Variants in NPHP1 observed in about 807,000 individuals in gnomAD.
NPHP1 encodes nephrocystin 1, also known as nephrocystin-1.
Under a neutral mutation model 90.4 loss-of-function variants are expected in NPHP1, and 70 were observed. The observed-to-expected ratio is 0.77, with a 90% CI of 0.64 to 0.95. NPHP1 has a LOEUF of 0.95. Ranked by LOEUF, NPHP1 falls within the 40% of genes least tolerant of loss-of-function variation. The probability of loss-of-function intolerance (pLI) is 0.00; values close to 1 mark genes in which losing one functional copy is unlikely to be tolerated. For missense variants in NPHP1, 764 were observed against 795.9 expected, an observed-to-expected ratio of 0.96 and a Z score of 0.48; for synonymous variants, 256 against 271.7, an observed-to-expected ratio of 0.94 and a Z score of 0.57.
chr2:110,166,564 A>C (rs1369360005), intron 6 of NPHP1, among the ~76,000 whole-genome samples: 1 of 152,186 alleles, frequency 6.6e-6, no homozygotes, highest in Non-Finnish European at 1.5e-5. Context: ...TAAAAGATCC[A>C]GCAGCTGACT....
intron 18 of NPHP1, 44 bp from the exon 19 acceptor site, chr2:110,125,725 A>G: frequency 6.6e-7 from 1 of 1,510,490 alleles, no homozygotes; most frequent in Non-Finnish European, 9.2e-7. Flanking sequence ...AGTAGTAACA[A>G]GTCCTTGCAA....
intron 11 of NPHP1, among the ~76,000 whole-genome samples, 157 bp from the exon 12 acceptor site, chr2:110,150,413 TTTTTA>T (rs1681378059): frequency 6.6e-6 from 1 of 152,208 alleles, no homozygotes. Flanking sequence ...AATGTTTTTC[TTTTTA>T]TATCAGGTAT....
At chr2:110,192,291 C>T (rs1301466500) in intron 2 of NPHP1, among the ~76,000 whole-genome samples, 3 of 152,072 alleles carry the variant, frequency 2.0e-5, no homozygotes, top group African/African-American at 7.2e-5. Flanking sequence ...ACTAGAATAA[C>T]CAATGCAGAG....
intron 11 of NPHP1, among the ~76,000 whole-genome samples, chr2:110,150,759 A>G (rs939983962): frequency 2.0e-5 from 3 of 148,740 alleles, no homozygotes; most frequent in African/African-American, 7.4e-5. Context: ...CATGTTGGCC[A>G]GGCTGGTCTC....
At chr2:110,190,536 A>G (rs1684640158) in intron 2 of NPHP1, among the ~76,000 whole-genome samples, 1 of 152,118 alleles carries the variant, frequency 6.6e-6, no homozygotes, top group South Asian at 2.1e-4. Flanking sequence ...GCTGGCCCAC[A>G]AGCACCGTGT....
intron 11 of NPHP1, among the ~76,000 whole-genome samples, chr2:110,154,679 C>T (rs1255858873): frequency 6.6e-6 from 1 of 152,040 alleles, no homozygotes; most frequent in Non-Finnish European, 1.5e-5. Flanking sequence ...TGGCATTTTG[C>T]CCCTGCCCTA....
In NPHP1 at chr2:110,169,936, C is replaced by A. The variant is rs1306370269; in HGVS notation, c.392G>T (p.Gly131Val). 6.2e-7 allele frequency: 1 copy of A among 1,604,136 alleles called. No individual in the cohort carries two copies. The change falls in exon 5 of 20, where the codon GGG (glycine) becomes GTG (valine). Residue 131 changes from glycine to valine, a missense_variant. By Grantham distance (109) the Gly-to-Val change is moderately radical. Coordinates refer to ENST00000445609, the MANE Select transcript of NPHP1 (RefSeq NM_001128178.3). Reference protein sequence around the residue: ...SESEDSEDSGGEEEDAEEEEE... With the variant: ...SESEDSEDSGVEEEDAEEEEE... ...TTCCTCCTCTGCATCTTCTTCCTCC[C>A]CACCACTGTCTTCACTATCTTCACT...
At chr2:110,176,420 A>G (rs1399497667) in intron 4 of NPHP1, among the ~76,000 whole-genome samples, 1 of 152,044 alleles carries the variant, frequency 6.6e-6, no homozygotes, top group Non-Finnish European at 1.5e-5. Flanking sequence ...CTAACTCTAT[A>G]TCTGGATCAT....
At chr2:110,185,944 G>A (rs564232135) in intron 2 of NPHP1, among the ~76,000 whole-genome samples, 53 of 152,250 alleles carry the variant, frequency 3.5e-4, no homozygotes, top group Admixed American at 7.2e-4. Context: ...CTTTCCATCC[G>A]TTCTTGTTGC....
chr2:110,129,253 A>G lies in NPHP1; in HGVS notation c.1649T>C (p.Ile550Thr), dbSNP rs143231282. 9.0e-5 allele frequency: 145 copies of G among 1,612,502 alleles called. No individual in the cohort carries two copies. The highest frequency in any genetic ancestry group is 1.2e-4 in the Non-Finnish European group (136 of 1,178,732). ...GAAGGTGGCCAGCATGGGATGGCTA[A>G]TTAAATCTGAAATGCAAAACAACAG... ...DRMSLQSTDL[I>T]SHPMLATFPM... Residue 550 changes from isoleucine to threonine, a missense_variant, in exon 18 of 20, where the codon ATT becomes ACT. Transcript: ENST00000445609.
At chr2:110,133,165 C>T (rs1679912431) in intron 16 of NPHP1, among the ~76,000 whole-genome samples, 1 of 151,894 alleles carries the variant, frequency 6.6e-6, no homozygotes, top group African/African-American at 2.4e-5. Context: ...CTATAAGAGA[C>T]TCACGGTAGA....
intron 14 of NPHP1, among the ~76,000 whole-genome samples, chr2:110,146,096 A>G (rs534785256): frequency 1.5e-4 from 23 of 152,302 alleles, no homozygotes; most frequent in Non-Finnish European, 3.1e-4. Context: ...CCAAAATTTT[A>G]TAATCCAAAT....
chr2:110,204,377 C>T (rs1210092423), intron 1 of NPHP1, among the ~76,000 whole-genome samples: 1 of 152,192 alleles, frequency 6.6e-6, no homozygotes, highest in African/African-American at 2.4e-5. Context: ...CTCTCTCGTT[C>T]ACCTCCTTTG....
chr2:110,142,429 CCTCTTGGG>C (rs914969664), intron 16 of NPHP1, among the ~76,000 whole-genome samples: 2 of 151,766 alleles, frequency 1.3e-5, no homozygotes, highest in Non-Finnish European at 2.9e-5. Flanking sequence ...GCAGCCTCAA[CCTCTTGGG>C]CTCAAGCAAT....
chr2:110,146,985 C>G, intron 13 of NPHP1, 150 bp from the exon 14 acceptor site: 1 of 671,572 alleles, frequency 1.5e-6, no homozygotes, highest in Admixed American at 2.5e-5. Context: ...ACAGTAGAAT[C>G]TCATTTTGCC....
intron 17 of NPHP1, among the ~76,000 whole-genome samples, chr2:110,130,084 C>T (rs765216878): frequency 1.6e-4 from 24 of 152,086 alleles, no homozygotes; most frequent in Non-Finnish European, 2.6e-4. Context: ...AAGGGTGAGA[C>T]GAATTCCCTT....
At chr2:110,177,490 A>G (rs1225413236) in intron 4 of NPHP1, among the ~76,000 whole-genome samples, 1 of 152,112 alleles carries the variant, frequency 6.6e-6, no homozygotes, top group African/African-American at 2.4e-5. Context: ...AAACTTTTGG[A>G]GCATCAAAAT....
At chr2:110,163,674 T>G (rs914209958) in intron 8 of NPHP1, 2 of 159,608 alleles carry the variant, frequency 1.3e-5, no homozygotes, top group African/African-American at 4.8e-5. Context: ...ATTTTTTTGT[T>G]TTTTGAGACG....
chr2:110,191,149 G>A (rs956714117), intron 2 of NPHP1, among the ~76,000 whole-genome samples: 1 of 152,272 alleles, frequency 6.6e-6, no homozygotes, highest in Admixed American at 6.5e-5. Flanking sequence ...TCTCACTAGG[G>A]ACTATCAGAC....
Sources: allele counts gnomAD v4.1 joint callset (sites outside exome capture counted in the v4.1 genomes callset), GRCh38; gene constraint gnomAD v4.1.1; transcripts MANE v1.5; gene names NCBI Gene and HGNC (gene_info 2026-07-23, HGNC 2026-07-21).